UST: variants seen among roughly 807,000 people sequenced by gnomAD.
UST encodes the protein uronyl 2-sulfotransferase.
UST carries 21 observed loss-of-function variants against 45.6 expected under a neutral mutation model. That is an observed-to-expected ratio of 0.46 (90% confidence interval 0.33 to 0.66). UST has a LOEUF of 0.66. Among genes scored for constraint, UST ranks in the 30% least tolerant of loss-of-function variants. UST has a pLI of 0.02. For synonymous variants in UST, 215 were observed against 200.6 expected, an observed-to-expected ratio of 1.07 and a Z score of -0.61; for missense variants, 463 against 512.4, an observed-to-expected ratio of 0.90 and a Z score of 0.93.
At chr6:149,054,210 C>G (rs1776530897) in intron 7 of UST, among the ~76,000 whole-genome samples, 1 of 152,178 alleles carries the variant, frequency 6.6e-6, no homozygotes, top group Non-Finnish European at 1.5e-5. Context: ...AAAGAAGAGC[C>G]AAAGAGCTTT....
chr6:148,844,655 T>G (rs1394066829), intron 1 of UST, among the ~76,000 whole-genome samples: 1 of 152,176 alleles, frequency 6.6e-6, no homozygotes, highest in Non-Finnish European at 1.5e-5. Flanking sequence ...CTCAGTTGAA[T>G]TTTATTTTAT....
intron 7 of UST, among the ~76,000 whole-genome samples, chr6:149,034,564 A>C (rs1410287785): frequency 1.3e-5 from 1 of 75,654 alleles, no homozygotes; most frequent in East Asian, 3.0e-4. Flanking sequence ...CCACCAAGAA[A>C]GCTCCTGCTC....
At position 148,999,449 on chromosome 6, in the gene UST, A is replaced by C. The variant is rs115588546; in HGVS notation, c.682-19690A>C. Among the ~76,000 whole-genome samples the C allele has an allele frequency of 7.6e-3, 1,165 of 152,344 alleles. 13 individuals are homozygous for C. The highest frequency in any genetic ancestry group is 0.026 in the African/African-American group (1,085 of 41,570). On this transcript the variant is annotated intron_variant, in intron 5 of 7. Coordinates refer to ENST00000367463, the MANE Select transcript of UST (RefSeq NM_005715.3). ...CTGATACAGAATATGTAGAACAAAG[A>C]TTATAACTTTTTATATTCATGGCAT...
At chr6:149,046,248 C>A (rs928493819) in intron 7 of UST, among the ~76,000 whole-genome samples, 1 of 152,208 alleles carries the variant, frequency 6.6e-6, no homozygotes, top group African/African-American at 2.4e-5. Context: ...AGCTCAGAGG[C>A]TTCTTTCTGT....
At chr6:148,959,581 C>T (rs112886984) in intron 4 of UST, among the ~76,000 whole-genome samples, 3,939 of 152,190 alleles carry the variant, frequency 0.026, 160 homozygotes, top group African/African-American at 0.09. Flanking sequence ...GGATCTCTGC[C>T]GCTGCATGGG....
intron 5 of UST, among the ~76,000 whole-genome samples, chr6:148,998,039 A>G (rs981520530): frequency 6.6e-6 from 1 of 152,220 alleles, no homozygotes; most frequent in Admixed American, 6.5e-5. Context: ...CAAAACTATT[A>G]GACTATTGCA....
rs1018008428 is a variant in UST, at chr6:148,790,943, C to G, written c.247+43266C>G. Among the ~76,000 whole-genome samples, 10 of 152,276 alleles carry G rather than the reference C, an allele frequency of 6.6e-5. No homozygotes were observed. Among genetic ancestry groups the G allele is most frequent in the African/African-American group, 2.4e-4 (10 of 41,470 alleles). Reference sequence around the variant, plus strand: ...TCTGAGTACATGCACATCTCTCCCTCAGGATCTGCGCAACAGTTAAAGGTG... The same window carrying G: ...TCTGAGTACATGCACATCTCTCCCTGAGGATCTGCGCAACAGTTAAAGGTG... On this transcript the variant is annotated intron_variant, in intron 1 of 7. Coordinates refer to ENST00000367463, the MANE Select transcript of UST (RefSeq NM_005715.3). This position sits in a 1 kb window ranked among gnomAD's most constrained non-coding sequence, Gnocchi z 4.2.
chr6:148,782,803 T>G (rs1360524633), intron 1 of UST, among the ~76,000 whole-genome samples: 1 of 152,212 alleles, frequency 6.6e-6, no homozygotes, highest in African/African-American at 2.4e-5. Context: ...AGATGGAATC[T>G]ACTCCTGGCG....
chr6:149,053,887 T>A (rs757074919), intron 7 of UST, among the ~76,000 whole-genome samples: 19 of 152,194 alleles, frequency 1.2e-4, no homozygotes, highest in Non-Finnish European at 2.5e-4. Context: ...CACAGAAGCT[T>A]AGAAACATTG....
intron 5 of UST, among the ~76,000 whole-genome samples, chr6:149,007,613 G>A (rs955108300): frequency 1.3e-5 from 2 of 150,298 alleles, no homozygotes; most frequent in African/African-American, 2.5e-5. Flanking sequence ...TAGTAGAGAC[G>A]GGGTTTCACC....
chr6:148,771,928 C>T (rs1776435093), intron 1 of UST, among the ~76,000 whole-genome samples: 1 of 152,142 alleles, frequency 6.6e-6, no homozygotes, highest in Non-Finnish European at 1.5e-5. Context: ...CTCTGTCTTC[C>T]TACCTCCCCC....
At chr6:149,069,198 T>G (rs1776785086) in intron 7 of UST, among the ~76,000 whole-genome samples, 1 of 152,254 alleles carries the variant, frequency 6.6e-6, no homozygotes, top group African/African-American at 2.4e-5. Flanking sequence ...AGTAAACACG[T>G]GAGCATGCAA....
At chr6:148,990,862 C>A (rs1161050356) in intron 5 of UST, among the ~76,000 whole-genome samples, 1 of 152,140 alleles carries the variant, frequency 6.6e-6, no homozygotes, top group African/African-American at 2.4e-5. Context: ...GAGCAGTGTT[C>A]CACGTAGACT....
At chr6:148,870,104 T>TCTCACA (rs377724567) in intron 1 of UST, among the ~76,000 whole-genome samples, 28 of 141,550 alleles carry the variant, frequency 2.0e-4, no homozygotes, top group Admixed American at 1.4e-3. Flanking sequence ...TGGTAATGTT[T>TCTCACA]CACACACACA....
chr6:148,824,120 G>C (rs1777522117), intron 1 of UST, among the ~76,000 whole-genome samples: 1 of 152,168 alleles, frequency 6.6e-6, no homozygotes, highest in East Asian at 1.9e-4. Context: ...TCAACTATTA[G>C]GCTTGTTAGG....
intron 2 of UST, among the ~76,000 whole-genome samples, chr6:148,937,025 A>G (rs931571869): frequency 6.6e-6 from 1 of 152,202 alleles, no homozygotes; most frequent in African/African-American, 2.4e-5. Flanking sequence ...TCTACCAGGA[A>G]CAGGAGGAAT....
At chr6:148,800,276 A>G (rs1472922863) in intron 1 of UST, among the ~76,000 whole-genome samples, 1 of 152,180 alleles carries the variant, frequency 6.6e-6, no homozygotes, top group East Asian at 1.9e-4. Flanking sequence ...GATTCACTGA[A>G]ATACTGTTTG....
intron 4 of UST, among the ~76,000 whole-genome samples, chr6:148,960,560 C>T (rs1368196677): frequency 1.3e-5 from 2 of 152,142 alleles, no homozygotes; most frequent in Non-Finnish European, 2.9e-5. Flanking sequence ...GTGGGGAAAG[C>T]AGGAAAAGGG....
intron 2 of UST, among the ~76,000 whole-genome samples, chr6:148,909,500 A>C (rs1167442283): frequency 6.6e-6 from 1 of 152,242 alleles, no homozygotes; most frequent in African/African-American, 2.4e-5. Context: ...TACTCTAAAA[A>C]GACTCTACTT....
Sources: gnomAD v4.1 joint callset for allele counts (sites outside exome capture counted in the v4.1 genomes callset) on GRCh38, gnomAD v4.1.1 for gene constraint, Gnocchi (gnomAD v3.1) non-coding constraint, MANE v1.5 for transcripts, NCBI Gene and HGNC (gene_info 2026-07-23, HGNC 2026-07-21) for gene names.